Variants in PCDHGA2 observed in about 807,000 individuals in gnomAD.
The protein encoded by PCDHGA2 is protocadherin gamma subfamily A, 2, also known as protocadherin gamma-A2.
PCDHGA2 carries 40 observed loss-of-function variants against 59.2 expected under a neutral mutation model. The observed-to-expected ratio is 0.68, with a 90% CI of 0.52 to 0.88. PCDHGA2 has a LOEUF of 0.88. Ranked by LOEUF, PCDHGA2 falls within the 40% of genes least tolerant of loss-of-function variation. The pLI is 0.00. For missense variants in PCDHGA2, 1,226 were observed against 1,204.0 expected, an observed-to-expected ratio of 1.02 and a Z score of -0.27; for synonymous variants, 560 against 526.0, an observed-to-expected ratio of 1.06 and a Z score of -0.89.
At chr5:141,352,496 T>C in intron 1 of PCDHGA2, 3 of 1,614,040 alleles carry the variant, frequency 1.9e-6, no homozygotes, top group Non-Finnish European at 2.5e-6. Flanking sequence ...GACTTTGCCC[T>C]ATTCCTACAA....
At chr5:141,500,184 T>A (rs889800014) in intron 2 of PCDHGA2, among the ~76,000 whole-genome samples, 89 of 135,966 alleles carry the variant, frequency 6.5e-4, no homozygotes, top group African/African-American at 2.4e-3. Flanking sequence ...TCATTTTTAT[T>A]TTTATTTATT....
At chr5:141,389,862 C>T (rs2091950734) in intron 1 of PCDHGA2, 1 of 1,613,964 alleles carries the variant, frequency 6.2e-7, no homozygotes, top group African/African-American at 1.3e-5. Flanking sequence ...CACGTTGCAC[C>T]TGGTCTTCGC....
chr5:141,399,427 G>A (rs1049477252), intron 1 of PCDHGA2: 2 of 1,613,842 alleles, frequency 1.2e-6, no homozygotes, highest in African/African-American at 2.7e-5. Context: ...CAGCATAAGC[G>A]TCATCCTACA....
At chr5:141,353,394 T>A (rs918284618) in intron 1 of PCDHGA2, among the ~76,000 whole-genome samples, 2 of 152,252 alleles carry the variant, frequency 1.3e-5, no homozygotes, top group Non-Finnish European at 2.9e-5. Context: ...AATTATGTAA[T>A]TAATGTAATC....
At chr5:141,415,132 C>T (rs752622569) in intron 1 of PCDHGA2, 4 of 1,613,696 alleles carry the variant, frequency 2.5e-6, no homozygotes, top group Non-Finnish European at 3.4e-6. Flanking sequence ...CGTCCAGGAC[C>T]ACGGCCAGCC....
chr5:141,462,682 G>T (rs560423384), intron 1 of PCDHGA2, among the ~76,000 whole-genome samples: 2 of 151,790 alleles, frequency 1.3e-5, no homozygotes, highest in Non-Finnish European at 2.9e-5. Context: ...TTAAATTTTT[G>T]AGCACATTTA....
At position 141,404,149 on chromosome 5, in the gene PCDHGA2, A is replaced by G. The variant is rs758060942; in HGVS notation, c.2424+62754A>G. The G allele has an allele frequency of 3.1e-6, 5 of 1,612,750 alleles. No individual in the cohort carries two copies. In the African/African-American group the frequency reaches 5.3e-5, roughly 17 times the overall value. On this transcript the variant is annotated intron_variant, in intron 1 of 3. Transcript: ENST00000394576. Reference sequence around the variant, plus strand: ...CTTTTACATTAGAAAATTCAGAAGAAGATTATTACAGATTGTTGACGGCCC... The same window carrying G: ...CTTTTACATTAGAAAATTCAGAAGAGGATTATTACAGATTGTTGACGGCCC...
intron 1 of PCDHGA2, chr5:141,371,739 G>A (rs1356190228): frequency 6.2e-7 from 1 of 1,614,036 alleles, no homozygotes; most frequent in South Asian, 1.1e-5. Flanking sequence ...CAACGACAAC[G>A]TTCCCGTTTT....
chr5:141,340,389 C>G lies in PCDHGA2; in HGVS notation c.1418C>G (p.Ser473Ter), dbSNP rs369089381. Reference sequence around the variant, plus strand: ...AACCCCAGAGGAGCCTCTGTCTTCTCAGTGACGGCCCATGACCCCGACAGC... The same window carrying G: ...AACCCCAGAGGAGCCTCTGTCTTCTGAGTGACGGCCCATGACCCCGACAGC... ...ENNPRGASVF[S>*]VTAHDPDSND... The change falls in exon 1 of 4, where the codon TCA becomes TGA. Residue 473 changes from serine to a stop codon, truncating the protein, a stop_gained. Transcript: ENST00000394576. LOFTEE classifies it high-confidence loss of function. The G allele has an allele frequency of 3.7e-6, 6 of 1,614,082 alleles. No individual in the cohort carries two copies. In the African/African-American group the frequency reaches 8.0e-5, roughly 22 times the overall value.
chr5:141,342,771 A>G (rs1359515422), intron 1 of PCDHGA2: 1 of 152,226 alleles, frequency 6.6e-6, no homozygotes, highest in Non-Finnish European at 1.5e-5. Context: ...GAAACGACAA[A>G]TATATTGTAT....
intron 1 of PCDHGA2, chr5:141,375,779 G>A (rs749559180): frequency 1.9e-6 from 3 of 1,614,176 alleles, no homozygotes; most frequent in South Asian, 1.1e-5. Flanking sequence ...CCTGTACCCC[G>A]CCCTCCCCAC....
At chr5:141,419,419 C>T (rs767018815) in intron 1 of PCDHGA2, 1 of 1,613,266 alleles carries the variant, frequency 6.2e-7, no homozygotes, top group Non-Finnish European at 8.5e-7. Flanking sequence ...AGCGCGCCTT[C>T]GACCACGAGC....
intron 1 of PCDHGA2, chr5:141,350,868 G>C: frequency 6.2e-7 from 1 of 1,614,062 alleles, no homozygotes; most frequent in Non-Finnish European, 8.5e-7. Flanking sequence ...GAACATCAGA[G>C]CTCTCATCGC....
At chr5:141,385,191 G>A (rs775228510) in intron 1 of PCDHGA2, 1 of 1,614,086 alleles carries the variant, frequency 6.2e-7, no homozygotes, top group African/African-American at 1.3e-5. Context: ...CGGACTCTCG[G>A]AAGAGTCACC....
chr5:141,482,998 T>C (rs1458221945), intron 1 of PCDHGA2, among the ~76,000 whole-genome samples: 1 of 152,008 alleles, frequency 6.6e-6, no homozygotes, highest in Non-Finnish European at 1.5e-5. Flanking sequence ...GGCAGGAGAA[T>C]TGCTTGAACC....
chr5:141,399,036 G>A, intron 1 of PCDHGA2: 1 of 1,613,800 alleles, frequency 6.2e-7, no homozygotes, highest in African/African-American at 1.3e-5. Context: ...AAAAGAAACT[G>A]GATTTTGAAG....
Position 141,491,176 on chromosome 5 carries a change from G to A in PCDHGA2, c.2425-3631G>A. The A allele has an allele frequency of 1.2e-6, 2 of 1,614,210 alleles. No homozygotes were observed. The highest frequency in any genetic ancestry group is 8.5e-7 in the Non-Finnish European group (1 of 1,180,024). On this transcript the variant is annotated intron_variant, in intron 1 of 3. Transcript: ENST00000394576. The surrounding 1 kb of genome is among the most constrained non-coding windows in gnomAD (Gnocchi z 6.9). ...TGACTCTGACACCCAGCAGGTGGTG[G>A]TCCTGGTGAGGGACAATGGTGACCC...
chr5:141,375,200 G>C (rs755732164), intron 1 of PCDHGA2: 3 of 1,613,940 alleles, frequency 1.9e-6, no homozygotes, highest in Non-Finnish European at 2.5e-6. Flanking sequence ...TCAAGTGTTC[G>C]ATCGAGACTC....
intron 1 of PCDHGA2, chr5:141,479,712 C>T (rs1488849933): frequency 6.6e-6 from 1 of 152,216 alleles, no homozygotes; most frequent in Non-Finnish European, 1.5e-5. Flanking sequence ...CCCTGTCCTT[C>T]CAGCCTTATT....
Sources: allele counts gnomAD v4.1 joint callset (sites outside exome capture counted in the v4.1 genomes callset), GRCh38; gene constraint gnomAD v4.1.1; non-coding constraint Gnocchi (gnomAD v3.1); transcripts MANE v1.5; gene names NCBI Gene and HGNC (gene_info 2026-07-23, HGNC 2026-07-21).